Variants in MAGI1 observed in about 807,000 individuals in gnomAD.
MAGI1 encodes membrane associated guanylate kinase, WW and PDZ domain containing 1.
In MAGI1, 58 loss-of-function variants were observed where a neutral mutation model predicts 139.9. The observed-to-expected ratio is 0.41, with a 90% confidence interval of 0.34 to 0.52. The LOEUF (loss-of-function observed/expected upper bound fraction) is 0.52, where lower values mean the gene tolerates loss of function less well. Ranked by LOEUF, MAGI1 falls within the 20% of genes least tolerant of loss-of-function variation. The pLI is 0.12. For synonymous variants in MAGI1, 812 were observed against 737.9 expected, an observed-to-expected ratio of 1.10 and a Z score of -1.63; for missense variants, 1,874 against 1,901.6, an observed-to-expected ratio of 0.99 and a Z score of 0.27.
chr3:65,685,500 A>G (rs2087942653), intron 1 of MAGI1, among the ~76,000 whole-genome samples: 1 of 152,222 alleles, frequency 6.6e-6, no homozygotes, highest in South Asian at 2.1e-4. Flanking sequence ...TCAAAAGCAG[A>G]AAAATCCATC....
chr3:65,468,106 C>A (rs1950285217), intron 5 of MAGI1, among the ~76,000 whole-genome samples: 1 of 152,086 alleles, frequency 6.6e-6, no homozygotes, highest in South Asian at 2.1e-4. Flanking sequence ...AGCTGAGATG[C>A]AAGAAGTAAA....
chr3:65,685,740 C>T (rs765490317), intron 1 of MAGI1, among the ~76,000 whole-genome samples: 5 of 152,070 alleles, frequency 3.3e-5, no homozygotes, highest in Non-Finnish European at 5.9e-5. Flanking sequence ...AACTGAACTT[C>T]AGAGGAGTAT....
chr3:65,504,745 T>A (rs2077211865), intron 2 of MAGI1, among the ~76,000 whole-genome samples: 1 of 152,184 alleles, frequency 6.6e-6, no homozygotes, highest in Non-Finnish European at 1.5e-5. Flanking sequence ...ACCTAAACTG[T>A]CAGGAACTAT....
At chr3:65,924,795 T>C (rs532140159) in intron 1 of MAGI1, 2 of 152,484 alleles carry the variant, frequency 1.3e-5, no homozygotes, top group East Asian at 1.9e-4. Flanking sequence ...CATAAGACTG[T>C]TGTGGGAATT....
chr3:65,635,044 G>C (rs1213023280), intron 1 of MAGI1, among the ~76,000 whole-genome samples: 1 of 152,002 alleles, frequency 6.6e-6, no homozygotes, highest in Non-Finnish European at 1.5e-5. Flanking sequence ...TTCAACACTA[G>C]CGTGGGTTTG....
At chr3:65,702,765 G>C (rs1261203964) in intron 1 of MAGI1, among the ~76,000 whole-genome samples, 1 of 151,938 alleles carries the variant, frequency 6.6e-6, no homozygotes, top group Non-Finnish European at 1.5e-5. Context: ...ATCTCCTTCA[G>C]GATCTGAACT....
chr3:65,838,986 C>A (rs1214080681), intron 1 of MAGI1, among the ~76,000 whole-genome samples: 1 of 152,138 alleles, frequency 6.6e-6, no homozygotes, highest in African/African-American at 2.4e-5. Flanking sequence ...TGTTGAACAT[C>A]TTTTTAAGTG....
chr3:65,568,196 C>T (rs2080765675), intron 2 of MAGI1, among the ~76,000 whole-genome samples: 1 of 152,214 alleles, frequency 6.6e-6, no homozygotes, highest in South Asian at 2.1e-4. Flanking sequence ...GCAGGCAAGG[C>T]ACTTGTTGAT....
At chr3:65,412,898 A>C (rs1201412229) in intron 12 of MAGI1, among the ~76,000 whole-genome samples, 1 of 152,184 alleles carries the variant, frequency 6.6e-6, no homozygotes, top group Non-Finnish European at 1.5e-5. Flanking sequence ...CTCAGAGGGA[A>C]ACACCAAACC....
rs924186001 is a variant in MAGI1, at chr3:65,564,098, T to A, written c.430+57874A>T. Among the ~76,000 whole-genome samples, 6 of 152,080 alleles carry A rather than the reference T, an allele frequency of 3.9e-5. No individual in the cohort carries two copies. The South Asian group carries it at 1.2e-3, about 32-fold the overall frequency. On this transcript the variant is annotated intron_variant, in intron 2 of 22. Coordinates refer to ENST00000402939, the MANE Select transcript of MAGI1 (RefSeq NM_001033057.2). ...GAAAGGGCCATCGGAGCTCCTGCAT[T>A]TACGCTTTCCCATTGTTTCACTCTT...
At chr3:65,657,367 G>A (rs1264759437) in intron 1 of MAGI1, among the ~76,000 whole-genome samples, 1 of 151,624 alleles carries the variant, frequency 6.6e-6, no homozygotes, top group Non-Finnish European at 1.5e-5. Flanking sequence ...GGCTGAGGTG[G>A]GAGGATCACT....
intron 1 of MAGI1, among the ~76,000 whole-genome samples, chr3:65,835,710 A>C (rs2042768728): frequency 6.6e-6 from 1 of 152,226 alleles, no homozygotes; most frequent in Non-Finnish European, 1.5e-5. Flanking sequence ...CAAGAAATCT[A>C]AACTATTTAA....
In MAGI1 at chr3:65,437,093, C is replaced by G. The variant is rs572512353; in HGVS notation, c.1363+62G>C. The G allele has an allele frequency of 2.9e-5, 35 of 1,189,926 alleles. No individual in the cohort carries two copies. In the Middle Eastern group the frequency reaches 1.6e-3, roughly 54 times the overall value. 73.7% of individuals were successfully genotyped at this position (1,189,926 alleles called of 1,614,324 possible). On this transcript the variant is annotated intron_variant, in intron 10 of 22. Transcript: ENST00000402939. ...TTACGAGATTCCACTTTTCAAAATA[C>G]CTTAAAAAAAATTAGATTTTGAGCT...
rs1286929810 is a variant in MAGI1, at chr3:65,363,594, G to A, written c.3366C>T (p.Tyr1122=). Residue 1122 remains tyrosine (Y), a synonymous_variant, in exon 21 of 23, where the codon TAC becomes TAT. Coordinates refer to ENST00000402939, the MANE Select transcript of MAGI1 (RefSeq NM_001033057.2). ...TGGCTCCTCTTTCCAGTTCCACAGT[G>A]TAAAAATCTTGCTCCTATTTAAAGA... ...APQATQEQDF[Y]TVELERGAKG... is the part of the protein sequence containing the mutation. 6.2e-7 allele frequency: 1 copy of A among 1,613,328 alleles called. No homozygotes were observed. The highest frequency in any genetic ancestry group is 1.3e-5 in the African/African-American group (1 of 74,976).
chr3:65,809,127 C>T (rs2041058740), intron 1 of MAGI1, among the ~76,000 whole-genome samples: 1 of 152,162 alleles, frequency 6.6e-6, no homozygotes, highest in African/African-American at 2.4e-5. Context: ...AATGCATTTA[C>T]ACTGAAATAC....
intron 1 of MAGI1, among the ~76,000 whole-genome samples, chr3:65,712,455 GAAAA>G (rs759022188): frequency 1.1e-5 from 1 of 87,780 alleles, no homozygotes. Flanking sequence ...CCCCAAGCAA[GAAAA>G]AAAAAAAAAA....
rs2083571221 is a variant in MAGI1 at position 65,619,788 on chromosome 3, CA to C, written c.430+2183del. On this transcript the variant is annotated intron_variant, in intron 2 of 22. Transcript: ENST00000402939. ...AAGGCACACACGCTCCACCAGACTC[CA>C]AAACAGACCTCTTCTGAATTTCCTT... 3.2e-6 allele frequency: 3 copies of C among 933,886 alleles called. No individual in the cohort carries two copies. In the South Asian group the frequency reaches 1.5e-4, roughly 46 times the overall value. 57.8% of individuals were successfully genotyped at this position (933,886 alleles called of 1,614,324 possible).
intron 1 of MAGI1, among the ~76,000 whole-genome samples, chr3:65,879,180 C>T (rs182082350): frequency 1.3e-5 from 2 of 152,138 alleles, no homozygotes; most frequent in Admixed American, 6.5e-5. Flanking sequence ...CAGACTCGGC[C>T]GAAAATTTCT....
chr3:65,391,868 A>T (rs1361665964), intron 13 of MAGI1, among the ~76,000 whole-genome samples: 1 of 151,972 alleles, frequency 6.6e-6, no homozygotes, highest in East Asian at 1.9e-4. Context: ...TTCGACTATT[A>T]AAAAAAAGGA....
Sources: allele counts gnomAD v4.1 joint callset (sites outside exome capture counted in the v4.1 genomes callset), GRCh38; gene constraint gnomAD v4.1.1; transcripts MANE v1.5; gene names NCBI Gene and HGNC (gene_info 2026-07-23, HGNC 2026-07-21).